Variants in SV2C observed in about 807,000 individuals in gnomAD.
SV2C encodes solute carrier family 22 member B3.
A neutral mutation model predicts 79.7 loss-of-function variants in SV2C; 49 were observed. That is an observed-to-expected ratio of 0.61 (90% confidence interval 0.49 to 0.78). SV2C has a LOEUF of 0.78. Ranked by LOEUF, SV2C falls within the 30% of genes least tolerant of loss-of-function variation. The pLI, the probability that SV2C is intolerant of heterozygous loss-of-function variation, is 0.00. For missense variants in SV2C, 833 were observed against 912.9 expected (o/e 0.91, Z 1.13); for synonymous variants, 334 against 333.2 (o/e 1.00, Z -0.03).
At chr5:75,862,952 A>C in the SV2C span, among the ~76,000 whole-genome samples, 2 of 152,192 alleles carry the variant, frequency 1.3e-5, no homozygotes, top group Non-Finnish European at 2.9e-5. Flanking sequence ...AACGGGGAGC[A>C]TATCTAACAG....
At chr5:75,870,701 G>T in the SV2C span, among the ~76,000 whole-genome samples, 1 of 152,280 alleles carries the variant, frequency 6.6e-6, no homozygotes, top group Non-Finnish European at 1.5e-5. Flanking sequence ...AGAGAAAACT[G>T]TCTCAAGGCA....
At chr5:75,949,816 C>T in the SV2C span, among the ~76,000 whole-genome samples, 12 of 151,966 alleles carry the variant, frequency 7.9e-5, no homozygotes, top group Non-Finnish European at 4.4e-5. Flanking sequence ...GTGTGAAAAC[C>T]AGCTAATACA....
In SV2C at chr5:76,310,606, G is replaced by T. The variant is rs543634095; in HGVS notation, c.2000+9061G>T. 1.1e-4 allele frequency among the ~76,000 whole-genome samples: 17 copies of T among 152,290 alleles called. No homozygotes were observed. The South Asian group carries it at 3.5e-3, about 32-fold the overall frequency. ...TGAGTGACATGAACTGACTTATGAA[G>T]TCCACAGCAAGAAATGTGGCAAGAG... On this transcript the variant is annotated intron_variant, in intron 12 of 12. Transcript: ENST00000502798.
At chr5:75,946,415 G>T in the SV2C span, among the ~76,000 whole-genome samples, 1 of 152,078 alleles carries the variant, frequency 6.6e-6, no homozygotes, top group Non-Finnish European at 1.5e-5. Context: ...TCTCTAGTCA[G>T]TTCCATGGGT....
intron 2 of SV2C, among the ~76,000 whole-genome samples, chr5:76,163,908 T>C (rs1188891973): frequency 6.6e-6 from 1 of 152,168 alleles, no homozygotes; most frequent in Non-Finnish European, 1.5e-5. Flanking sequence ...CAAAGATAAA[T>C]GTCTCCTGAG....
intron 4 of SV2C, among the ~76,000 whole-genome samples, chr5:76,238,330 G>A (rs1745680893): frequency 6.6e-6 from 1 of 151,542 alleles, no homozygotes; most frequent in Non-Finnish European, 1.5e-5. Context: ...ATGTGTGTAT[G>A]TTCTTTGCCC....
At position 76,238,595 on chromosome 5, in the gene SV2C, G is replaced by C. The variant is rs183482123; in HGVS notation, c.913+28708G>C. ...AATCTGACTGAAAACTGAATAAGGG[G>C]AGCTTGTCAACTAGGGTTGAGGGTG... On this transcript the variant is annotated intron_variant, in intron 4 of 12. Transcript: ENST00000502798. Among the ~76,000 whole-genome samples the C allele has an allele frequency of 1.7e-3, 258 of 152,310 alleles. 1 individual carries two copies. The highest frequency in any genetic ancestry group is 2.2e-3 in the Non-Finnish European group (152 of 68,028).
At chr5:76,079,657 A>G, upstream of SV2C, 1 of 343,998 alleles carries the variant, frequency 2.9e-6, no homozygotes, top group South Asian at 3.3e-5. Flanking sequence ...TCTATGAAGA[A>G]CAGCTTGGGT....
chr5:76,257,752 G>A (rs138032411), intron 4 of SV2C, among the ~76,000 whole-genome samples: 238 of 150,856 alleles, frequency 1.6e-3, no homozygotes, highest in Non-Finnish European at 2.5e-3. Context: ...GGGTGTGGAC[G>A]CATGTAGTGT....
At chr5:76,096,454 C>T (rs1747563615) in intron 1 of SV2C, among the ~76,000 whole-genome samples, 1 of 152,170 alleles carries the variant, frequency 6.6e-6, no homozygotes, top group Non-Finnish European at 1.5e-5. Context: ...ATCCACAAAT[C>T]TGTAAATTGG....
the SV2C span, among the ~76,000 whole-genome samples, chr5:75,941,060 T>A: frequency 1.3e-5 from 2 of 152,334 alleles, no homozygotes; most frequent in South Asian, 4.1e-4. Context: ...TTTCTTGGAA[T>A]TTCATACATT....
chr5:76,063,864 T>A, the SV2C span, among the ~76,000 whole-genome samples: 2 of 152,224 alleles, frequency 1.3e-5, no homozygotes, highest in Non-Finnish European at 2.9e-5. Context: ...TGAGTGTTTT[T>A]AAAACACATT....
At chr5:76,164,226 C>A (rs1742977322) in intron 2 of SV2C, among the ~76,000 whole-genome samples, 1 of 152,136 alleles carries the variant, frequency 6.6e-6, no homozygotes, top group Non-Finnish European at 1.5e-5. Context: ...TTTAAATAAT[C>A]TTATTTAGAA....
At chr5:76,324,683 CA>C (rs529923460) in intron 12 of SV2C, among the ~76,000 whole-genome samples, 196 of 150,352 alleles carry the variant, frequency 1.3e-3, no homozygotes, top group Middle Eastern at 6.9e-3. Flanking sequence ...CCCATCTCTA[CA>C]AATATTTAAA....
the SV2C span, among the ~76,000 whole-genome samples, chr5:76,064,526 G>A: frequency 2.0e-5 from 3 of 152,172 alleles, no homozygotes; most frequent in Non-Finnish European, 2.9e-5. Flanking sequence ...CACTTGCTCC[G>A]TCATCATCCC....
intron 1 of SV2C, among the ~76,000 whole-genome samples, chr5:76,112,438 A>G (rs1357449760): frequency 6.6e-6 from 1 of 152,202 alleles, no homozygotes; most frequent in African/African-American, 2.4e-5. Flanking sequence ...GGCCTCTCAG[A>G]GGCCAGTCTG....
intron 4 of SV2C, among the ~76,000 whole-genome samples, chr5:76,226,052 G>A (rs921168020): frequency 3.9e-5 from 6 of 152,136 alleles, no homozygotes; most frequent in Admixed American, 6.5e-5. Flanking sequence ...TGAGTTCAAC[G>A]AACCGCTTCC....
chr5:76,352,350 G>A (rs951546456), intron 12 of SV2C, among the ~76,000 whole-genome samples: 18 of 152,210 alleles, frequency 1.2e-4, no homozygotes, highest in Admixed American at 7.2e-4. Context: ...CAAAGTTCAC[G>A]TGTTGGAAAC....
At chr5:76,346,215 G>A (rs1343351730) in intron 12 of SV2C, among the ~76,000 whole-genome samples, 5 of 152,108 alleles carry the variant, frequency 3.3e-5, no homozygotes, top group Admixed American at 6.6e-5. Flanking sequence ...TCTTAAGTGC[G>A]CACATAATGG....
Sources: gnomAD v4.1 joint callset for allele counts (sites outside exome capture counted in the v4.1 genomes callset) on GRCh38, gnomAD v4.1.1 for gene constraint, MANE v1.5 for transcripts, NCBI Gene and HGNC (gene_info 2026-07-23, HGNC 2026-07-21) for gene names.